CTNND2: variants seen among roughly 807,000 people sequenced by gnomAD.
CTNND2 encodes the protein catenin delta 2.
CTNND2 carries 22 observed loss-of-function variants against 144.4 expected under a neutral mutation model. The ratio of observed to expected loss-of-function variants is 0.15; its 90% confidence interval spans 0.11 to 0.22. The LOEUF (loss-of-function observed/expected upper bound fraction) is 0.22, where lower values mean the gene tolerates loss of function less well. CTNND2 is among the 10% of genes least tolerant of loss of function. CTNND2 has a pLI of 1.00. For synonymous variants in CTNND2, 751 were observed against 695.6 expected (o/e 1.08, Z -1.25); for missense variants, 1,353 against 1,618.8 (o/e 0.84, Z 2.82).
At chr5:11,008,352 A>T (rs548531538) in intron 18 of CTNND2, among the ~76,000 whole-genome samples, 1 of 152,150 alleles carries the variant, frequency 6.6e-6, no homozygotes, top group African/African-American at 2.4e-5. Flanking sequence ...GTTGTTCCTT[A>T]TAAGAGAGAT....
intron 2 of CTNND2, among the ~76,000 whole-genome samples, chr5:11,608,997 C>T (rs1268801022): frequency 1.3e-5 from 2 of 152,162 alleles, no homozygotes; most frequent in East Asian, 1.9e-4. Context: ...ATCCATGAAG[C>T]AATTCCTGCA....
intron 18 of CTNND2, among the ~76,000 whole-genome samples, chr5:11,007,533 A>G (rs1485442681): frequency 6.6e-6 from 1 of 152,198 alleles, no homozygotes. Context: ...ACATTCTGTG[A>G]CCTCACTTCT....
At chr5:11,806,981 T>G (rs898053769) in intron 1 of CTNND2, among the ~76,000 whole-genome samples, 2 of 152,096 alleles carry the variant, frequency 1.3e-5, no homozygotes, top group African/African-American at 4.8e-5. Flanking sequence ...TTGTTTTTAT[T>G]CTCAAGTTGC....
At chr5:11,541,343 G>A (rs943828053) in intron 3 of CTNND2, among the ~76,000 whole-genome samples, 6 of 152,134 alleles carry the variant, frequency 3.9e-5, no homozygotes, top group East Asian at 3.8e-4. Context: ...GTTTGGTACC[G>A]GTTTCTGGGA....
At chr5:11,532,391 A>G (rs1773827645) in intron 3 of CTNND2, among the ~76,000 whole-genome samples, 1 of 150,720 alleles carries the variant, frequency 6.6e-6, no homozygotes, top group Admixed American at 6.7e-5. Context: ...GAACCTGAAT[A>G]ATGTTTATTG....
intron 1 of CTNND2, among the ~76,000 whole-genome samples, chr5:11,831,369 T>C (rs1314396835): frequency 1.3e-5 from 2 of 151,600 alleles, no homozygotes; most frequent in African/African-American, 2.4e-5. Flanking sequence ...ACATATAGAA[T>C]GAGGAGGAAA....
chr5:11,511,967 A>G (rs1284731183), intron 3 of CTNND2, among the ~76,000 whole-genome samples: 1 of 152,186 alleles, frequency 6.6e-6, no homozygotes, highest in African/African-American at 2.4e-5. Flanking sequence ...TTGCACTCTC[A>G]TGAACCAGAT....
intron 1 of CTNND2, among the ~76,000 whole-genome samples, chr5:11,781,665 C>T (rs1047505102): frequency 2.6e-5 from 4 of 152,178 alleles, no homozygotes; most frequent in Non-Finnish European, 4.4e-5. Context: ...ACACAATACA[C>T]AATTTATACA....
intron 2 of CTNND2, among the ~76,000 whole-genome samples, chr5:11,624,560 T>G (rs998149715): frequency 6.6e-6 from 1 of 152,120 alleles, no homozygotes; most frequent in African/African-American, 2.4e-5. Flanking sequence ...TAATTTTAGA[T>G]GTAATTTTGT....
At chr5:11,130,890 A>G (rs1755530805) in intron 12 of CTNND2, among the ~76,000 whole-genome samples, 1 of 152,086 alleles carries the variant, frequency 6.6e-6, no homozygotes, top group African/African-American at 2.4e-5. Flanking sequence ...GGTGTACTAT[A>G]TATTGAAAGC....
chr5:11,130,308 C>T (rs1755456894), intron 12 of CTNND2, among the ~76,000 whole-genome samples: 1 of 152,106 alleles, frequency 6.6e-6, no homozygotes, highest in Non-Finnish European at 1.5e-5. Flanking sequence ...GGACGGAGGG[C>T]CCCTCTTTTG....
intron 2 of CTNND2, among the ~76,000 whole-genome samples, chr5:11,704,624 G>A (rs71599580): frequency 0.035 from 5,254 of 152,010 alleles, 129 homozygotes; most frequent in Non-Finnish European, 0.054. Flanking sequence ...AGGGCTCCTC[G>A]AATGGATGCA....
chr5:11,298,446 C>T (rs886348534), intron 9 of CTNND2, among the ~76,000 whole-genome samples: 2 of 152,204 alleles, frequency 1.3e-5, no homozygotes, highest in Non-Finnish European at 1.5e-5. Context: ...TCTGGAATTA[C>T]AGGTGTGAGC....
intron 2 of CTNND2, among the ~76,000 whole-genome samples, chr5:11,671,660 T>C (rs1783879560): frequency 6.6e-6 from 1 of 152,036 alleles, no homozygotes; most frequent in Non-Finnish European, 1.5e-5. Flanking sequence ...AACTGGATAT[T>C]CTAGTTAGCA....
chr5:11,097,812 G>A (rs952601183), intron 15 of CTNND2, among the ~76,000 whole-genome samples: 2 of 152,190 alleles, frequency 1.3e-5, no homozygotes, highest in African/African-American at 2.4e-5. Context: ...AATGGAACAT[G>A]CATGGCAGAA....
intron 10 of CTNND2, among the ~76,000 whole-genome samples, chr5:11,234,929 C>T (rs181002929): frequency 1.3e-5 from 2 of 152,300 alleles, no homozygotes; most frequent in East Asian, 3.9e-4. Flanking sequence ...TGTGAGAACC[C>T]ACTTCCCACA....
At chr5:11,622,072 T>C (rs932027947) in intron 2 of CTNND2, among the ~76,000 whole-genome samples, 1 of 152,204 alleles carries the variant, frequency 6.6e-6, no homozygotes, top group African/African-American at 2.4e-5. Flanking sequence ...TGGGACCTGA[T>C]ACCAGGTTTA....
At chr5:11,135,498 T>C (rs1344928667) in intron 12 of CTNND2, among the ~76,000 whole-genome samples, 1 of 152,226 alleles carries the variant, frequency 6.6e-6, no homozygotes, top group African/African-American at 2.4e-5. Flanking sequence ...GATCCTTCTA[T>C]ATCACACAAA....
chr5:11,395,892 C>A (rs1037450066), intron 6 of CTNND2, among the ~76,000 whole-genome samples: 2 of 152,238 alleles, frequency 1.3e-5, no homozygotes, highest in Non-Finnish European at 2.9e-5. Context: ...CTCTTTGCCT[C>A]TCACCTCTGC....
Sources: gnomAD v4.1 joint callset for allele counts (sites outside exome capture counted in the v4.1 genomes callset) on GRCh38, gnomAD v4.1.1 for gene constraint, MANE v1.5 for transcripts, NCBI Gene and HGNC (gene_info 2026-07-23, HGNC 2026-07-21) for gene names.